Variants in PIKFYVE observed in about 807,000 individuals in gnomAD.
PIKFYVE encodes 1-phosphatidylinositol 3-phosphate 5-kinase.
Under a neutral mutation model 257.9 loss-of-function variants are expected in PIKFYVE, and 122 were observed. The observed-to-expected ratio is 0.47, with a 90% CI of 0.41 to 0.55. The LOEUF (loss-of-function observed/expected upper bound fraction) is 0.55. Among genes scored for constraint, PIKFYVE ranks in the 20% least tolerant of loss-of-function variants. PIKFYVE has a pLI of 0.00. For missense variants in PIKFYVE, 2,160 were observed against 2,536.6 expected (o/e 0.85, Z 3.19); for synonymous variants, 892 against 868.9 (o/e 1.03, Z -0.47).
intron 17 of PIKFYVE, among the ~76,000 whole-genome samples, chr2:208,321,235 A>G (rs1696166541): frequency 6.6e-6 from 1 of 152,200 alleles, no homozygotes; most frequent in Non-Finnish European, 1.5e-5. Context: ...GAATGTGTAT[A>G]TTATATTATA....
intron 29 of PIKFYVE, among the ~76,000 whole-genome samples, chr2:208,339,001 A>G (rs1055814719): frequency 5.3e-5 from 8 of 152,192 alleles, no homozygotes; most frequent in African/African-American, 1.9e-4. Flanking sequence ...ATTTACATAG[A>G]CTGTAGAACC....
At chr2:208,267,805 G>GTCTC (rs1559376389) in intron 1 of PIKFYVE, among the ~76,000 whole-genome samples, 1 of 151,792 alleles carries the variant, frequency 6.6e-6, no homozygotes, top group African/African-American at 2.4e-5. Context: ...CCGGGCGGGG[G>GTCTC]TCTCCCTCCC....
At chr2:208,287,523 C>T (rs1477257499) in intron 6 of PIKFYVE, among the ~76,000 whole-genome samples, 4 of 151,946 alleles carry the variant, frequency 2.6e-5, no homozygotes, top group Non-Finnish European at 5.9e-5. Context: ...ATCTACCCGC[C>T]TCGGCCTCCC....
chr2:208,330,247 A>G (rs762933169), intron 22 of PIKFYVE, among the ~76,000 whole-genome samples: 44 of 152,230 alleles, frequency 2.9e-4, no homozygotes, highest in Non-Finnish European at 4.7e-4. Context: ...CTCGCCACTT[A>G]TATGACAAAG....
intron 7 of PIKFYVE, among the ~76,000 whole-genome samples, chr2:208,297,625 A>G (rs1574499716): frequency 6.6e-6 from 1 of 152,220 alleles, no homozygotes; most frequent in South Asian, 2.1e-4. Context: ...AGAGCTAGTA[A>G]TACATATTCC....
intron 7 of PIKFYVE, among the ~76,000 whole-genome samples, chr2:208,291,529 A>T (rs1434459872): frequency 6.6e-6 from 1 of 152,060 alleles, no homozygotes; most frequent in African/African-American, 2.4e-5. Context: ...TCTTCAGGAA[A>T]ATTTTGTGGA....
chr2:208,305,302 G>A, intron 12 of PIKFYVE: 3 of 1,277,690 alleles, frequency 2.3e-6, no homozygotes, highest in Non-Finnish European at 3.0e-6. Context: ...CAACTTCCAA[G>A]GTGGCATTTC....
At chr2:208,283,045 G>A (rs886118117) in intron 5 of PIKFYVE, among the ~76,000 whole-genome samples, 1 of 152,102 alleles carries the variant, frequency 6.6e-6, no homozygotes, top group African/African-American at 2.4e-5. Context: ...CTGCTTGCTC[G>A]CCACTCACCT....
In PIKFYVE at chr2:208,301,015, T is replaced by C; in HGVS notation, c.1129T>C (p.Trp377Arg). 6.2e-7 allele frequency: 1 copy of C among 1,614,190 alleles called. No individual in the cohort carries two copies. Among genetic ancestry groups the C allele is most frequent in the Non-Finnish European group, 8.5e-7 (1 of 1,180,010 alleles). The change falls in exon 9 of 42, where the codon TGG becomes CGG. Residue 377 changes from tryptophan to arginine, a missense_variant. Coordinates refer to ENST00000264380, the MANE Select transcript of PIKFYVE (RefSeq NM_015040.4). Reference protein sequence around the residue: ...SGMEFQDHRYWLRTHPNCIVG... With the variant: ...SGMEFQDHRYRLRTHPNCIVG... Reference sequence around the variant, plus strand: ...AATGGAGTTTCAGGATCACCGCTACTGGTTGAGAACGCATCCCAACTGCAT... The same window carrying C: ...AATGGAGTTTCAGGATCACCGCTACCGGTTGAGAACGCATCCCAACTGCAT...
At chr2:208,351,640 C>T (rs566601688) in intron 38 of PIKFYVE, among the ~76,000 whole-genome samples, 185 bp downstream of exon 38, 6 of 152,046 alleles carry the variant, frequency 3.9e-5, no homozygotes, top group East Asian at 1.9e-4. Context: ...GTGCTGGCGG[C>T]GTCTGTTTCT....
intron 1 of PIKFYVE, among the ~76,000 whole-genome samples, chr2:208,266,834 A>G (rs1018844928): frequency 2.4e-4 from 36 of 152,154 alleles, no homozygotes; most frequent in African/African-American, 8.0e-4. Flanking sequence ...AACGATACCA[A>G]CCGTGGGGGT....
At position 208,344,107 on chromosome 2, in the gene PIKFYVE, C is replaced by T. The variant is rs550060277; in HGVS notation, c.5028-1004C>T. ...TGCCGGGCTTACAGGCGTGAGCCAC[C>T]GCACCCAGCCTTAAATCTTAAGAAC... On this transcript the variant is annotated intron_variant, in intron 32 of 41. Transcript: ENST00000264380. Among the ~76,000 whole-genome samples the T allele has an allele frequency of 4.6e-5, 7 of 152,146 alleles. No homozygotes were observed. In the East Asian group the frequency reaches 7.7e-4, roughly 17 times the overall value.
Position 208,353,956 on chromosome 2 carries a change from A to T in PIKFYVE, c.5903A>T (p.Glu1968Val). The change falls in exon 40 of 42, where the codon GAG becomes GTG. Residue 1968 changes from glutamate (E) to valine (V), a missense_variant. This residue lies in a region of PIKFYVE where 699 missense variants were observed against 855.8 expected (regional missense o/e 0.82). Coordinates refer to ENST00000264380, the MANE Select transcript of PIKFYVE (RefSeq NM_015040.4). ...NRNVKTDTGK[E>V]SCDVVLLDEN... Reference sequence around the variant, plus strand: ...AATGTAAAAACTGACACTGGAAAAGAGAGTTGTGATGTGGTCCTGCTAGAT... The same window carrying T: ...AATGTAAAAACTGACACTGGAAAAGTGAGTTGTGATGTGGTCCTGCTAGAT... 6.2e-7 allele frequency: 1 copy of T among 1,614,078 alleles called. No homozygotes were observed. The highest frequency in any genetic ancestry group is 8.5e-7 in the Non-Finnish European group (1 of 1,179,954).
chr2:208,273,893 T>C lies in PIKFYVE; in HGVS notation c.322+160T>C, dbSNP rs906537934. 6 of 1,368,740 alleles carry C rather than the reference T, an allele frequency of 4.4e-6. No individual in the cohort carries two copies. The Admixed American group carries it at 5.9e-5, about 13-fold the overall frequency. The allele number at this position is 1,368,740 out of a possible 1,614,324, so 84.8% of individuals were successfully genotyped here. ...GTACTGTTTAGAGTAAATAAAACTC[T>C]TACCTCGGTAGTGAAAGAATTTATT... On this transcript the variant is annotated intron_variant, in intron 3 of 41. Transcript: ENST00000264380.
At chr2:208,285,966 T>G in intron 6 of PIKFYVE, 33 bp downstream of exon 6, 1 of 1,588,536 alleles carries the variant, frequency 6.3e-7, no homozygotes, top group Non-Finnish European at 8.6e-7. Flanking sequence ...TTATTTAGAG[T>G]TGAAAAATAT....
At chr2:208,301,489 A>G (rs1410908177) in intron 9 of PIKFYVE, among the ~76,000 whole-genome samples, 1 of 152,186 alleles carries the variant, frequency 6.6e-6, no homozygotes, top group African/African-American at 2.4e-5. Flanking sequence ...CTCACAAATC[A>G]TTTATAAAAA....
intron 36 of PIKFYVE, among the ~76,000 whole-genome samples, chr2:208,350,387 AT>A (rs1255415348): frequency 6.6e-6 from 1 of 152,166 alleles, no homozygotes; most frequent in Non-Finnish European, 1.5e-5. Flanking sequence ...AGAATTGTGT[AT>A]ATGTGTGCCA....
At chr2:208,345,009 AATG>A (rs1448855125) in intron 32 of PIKFYVE, 99 bp from the exon 33 acceptor site, 3 of 810,930 alleles carry the variant, frequency 3.7e-6, no homozygotes, top group African/African-American at 1.7e-5. Flanking sequence ...GGAAACGTAT[AATG>A]ATTGTGCTTC....
At position 208,324,128 on chromosome 2, in the gene PIKFYVE, TTTATCTTAC is replaced by T. The variant is rs749172692; in HGVS notation, c.2191-10_2191-2del. 4 of 1,610,892 alleles carry T rather than the reference TTTATCTTAC, an allele frequency of 2.5e-6. No individual in the cohort carries two copies. The South Asian group carries it at 4.4e-5, about 18-fold the overall frequency. On this transcript the variant is annotated splice_polypyrimidine_tract_variant and splice_region_variant and intron_variant, in intron 17 of 41. Transcript: ENST00000264380. ...ATTTTACCAGGTGTAATATTTCTGA[TTTATCTTAC>T]TTAGGAAAGGGAATTCTTGAAGAAT... is the stretch of plus-strand genomic sequence containing the variant.
Sources: allele counts gnomAD v4.1 joint callset (sites outside exome capture counted in the v4.1 genomes callset), GRCh38; gene constraint gnomAD v4.1.1; regional missense constraint gnomAD v4.1.1; transcripts MANE v1.5; gene names NCBI Gene and HGNC (gene_info 2026-07-23, HGNC 2026-07-21).